Variants in LRRC4C observed in about 807,000 individuals in gnomAD.
The protein encoded by LRRC4C is leucine rich repeat containing 4C, also known as leucine-rich repeat-containing protein 4C.
In LRRC4C, 5 loss-of-function variants were observed where a neutral mutation model predicts 33.6. That is an observed-to-expected ratio of 0.15 (90% CI 0.08 to 0.31). The LOEUF is 0.31. Among genes scored for constraint, LRRC4C ranks in the 10% least tolerant of loss-of-function variants. The probability of loss-of-function intolerance (pLI) is 1.00; values close to 1 mark genes in which losing one functional copy is unlikely to be tolerated. For missense variants in LRRC4C, 560 were observed against 796.7 expected, an observed-to-expected ratio of 0.70 and a Z score of 3.58; for synonymous variants, 329 against 302.0, an observed-to-expected ratio of 1.09 and a Z score of -0.93.
intron 3 of LRRC4C, among the ~76,000 whole-genome samples, chr11:40,640,046 A>C (rs1471126200): frequency 6.6e-6 from 1 of 152,120 alleles, no homozygotes; most frequent in East Asian, 1.9e-4. Context: ...TCAGTTGGCT[A>C]CCTATCACTT....
At chr11:41,368,912 T>A (rs1952643331) in intron 1 of LRRC4C, among the ~76,000 whole-genome samples, 1 of 152,220 alleles carries the variant, frequency 6.6e-6, no homozygotes, top group African/African-American at 2.4e-5. Context: ...ATGGCTGACC[T>A]TTCACTTCTA....
At chr11:40,592,698 C>G (rs1470264184) in intron 3 of LRRC4C, among the ~76,000 whole-genome samples, 1 of 152,134 alleles carries the variant, frequency 6.6e-6, no homozygotes, top group Non-Finnish European at 1.5e-5. Context: ...TTTAGCCAGA[C>G]AATCTCTTTC....
intron 5 of LRRC4C, among the ~76,000 whole-genome samples, chr11:40,225,643 G>A (rs1864737450): frequency 7.0e-6 from 1 of 142,636 alleles, no homozygotes; most frequent in African/African-American, 2.6e-5. Context: ...TTGAGACAGA[G>A]TCTCGCTCTG....
At chr11:40,578,072 G>T (rs1339415460) in intron 3 of LRRC4C, among the ~76,000 whole-genome samples, 1 of 143,022 alleles carries the variant, frequency 7.0e-6, no homozygotes, top group African/African-American at 2.6e-5. Context: ...CTGACCTTGT[G>T]ATCCACCTGC....
chr11:40,472,113 T>TA (rs920381331), intron 3 of LRRC4C, among the ~76,000 whole-genome samples: 5 of 133,718 alleles, frequency 3.7e-5, no homozygotes, highest in African/African-American at 4.9e-5. Context: ...CTGTCTCTAC[T>TA]AAAAAAAATA....
chr11:40,750,581 A>T (rs565307485), intron 2 of LRRC4C, among the ~76,000 whole-genome samples: 70 of 146,392 alleles, frequency 4.8e-4, no homozygotes, highest in African/African-American at 1.7e-3. Context: ...GCATGTTCTC[A>T]CTCATAGGTG....
chr11:41,134,243 C>T (rs930103637), intron 1 of LRRC4C, among the ~76,000 whole-genome samples: 1 of 152,070 alleles, frequency 6.6e-6, no homozygotes, highest in Non-Finnish European at 1.5e-5. Context: ...ACTACAGGAG[C>T]ACACTACTAC....
At chr11:40,212,175 T>G (rs1405783791) in intron 5 of LRRC4C, among the ~76,000 whole-genome samples, 1 of 152,224 alleles carries the variant, frequency 6.6e-6, no homozygotes. Flanking sequence ...TTCCACTCAG[T>G]AGTAATTTTG....
chr11:40,664,260 G>A (rs1943598172), intron 2 of LRRC4C, among the ~76,000 whole-genome samples: 1 of 152,070 alleles, frequency 6.6e-6, no homozygotes, highest in South Asian at 2.1e-4. Flanking sequence ...AAAAGAGAAT[G>A]TGGGCTGGAC....
intron 1 of LRRC4C, among the ~76,000 whole-genome samples, chr11:41,077,826 GT>G (rs1468206122): frequency 6.6e-6 from 1 of 152,098 alleles, no homozygotes; most frequent in Non-Finnish European, 1.5e-5. Flanking sequence ...TTTTCCAAAC[GT>G]TTATGCTCTG....
intron 4 of LRRC4C, among the ~76,000 whole-genome samples, chr11:40,270,082 A>T (rs1942576981): frequency 1.3e-5 from 2 of 152,122 alleles, no homozygotes; most frequent in Non-Finnish European, 2.9e-5. Context: ...CCAAGCTGAT[A>T]GTTCATGCTT....
intron 1 of LRRC4C, among the ~76,000 whole-genome samples, chr11:41,416,246 C>A (rs1242290054): frequency 6.6e-6 from 1 of 152,016 alleles, no homozygotes; most frequent in African/African-American, 2.4e-5. Context: ...CTCACACTTC[C>A]CACCGTTTTA....
intron 2 of LRRC4C, among the ~76,000 whole-genome samples, chr11:40,862,067 G>A (rs907007083): frequency 1.3e-5 from 2 of 152,142 alleles, no homozygotes; most frequent in African/African-American, 4.8e-5. Context: ...CTGTACCTCT[G>A]ACAGGACATG....
chr11:40,565,779 A>G (rs1225558695), intron 3 of LRRC4C, among the ~76,000 whole-genome samples: 3 of 152,098 alleles, frequency 2.0e-5, no homozygotes, highest in Non-Finnish European at 4.4e-5. Context: ...GGAGCAAAAA[A>G]TGTCTCAAGT....
rs1399926921 is a variant in LRRC4C at position 40,646,308 on chromosome 11, A to G, written c.-270+1834T>C. Among the ~76,000 whole-genome samples the G allele has an allele frequency of 5.9e-5, 9 of 152,318 alleles. No homozygotes were observed. The South Asian group carries it at 6.2e-4, about 11-fold the overall frequency. On this transcript the variant is annotated intron_variant, in intron 3 of 6. Transcript: ENST00000528697. ...CAGAAATGAATAGACATTCAGGGAGAAGTAGAGTTGCAAAAAGTTTAAAGC... is the reference window on the plus strand; with the variant it reads ...CAGAAATGAATAGACATTCAGGGAGGAGTAGAGTTGCAAAAAGTTTAAAGC...
chr11:40,257,654 TAA>T (rs1867321899), intron 4 of LRRC4C, among the ~76,000 whole-genome samples: 1 of 152,202 alleles, frequency 6.6e-6, no homozygotes. Context: ...GACGGCTTAG[TAA>T]AGAGTTCTGA....
intron 3 of LRRC4C, among the ~76,000 whole-genome samples, chr11:40,385,550 T>C (rs1406601810): frequency 6.7e-6 from 1 of 148,738 alleles, no homozygotes; most frequent in African/African-American, 2.5e-5. Context: ...AGGGGGAGGG[T>C]GGGATGGAGG....
At chr11:40,928,482 T>C (rs941531624) in intron 2 of LRRC4C, among the ~76,000 whole-genome samples, 1 of 151,974 alleles carries the variant, frequency 6.6e-6, no homozygotes, top group Non-Finnish European at 1.5e-5. Flanking sequence ...TATTTTCAAA[T>C]GGCAACAATG....
At chr11:40,318,769 T>A (rs958479317) in intron 4 of LRRC4C, among the ~76,000 whole-genome samples, 2 of 152,198 alleles carry the variant, frequency 1.3e-5, no homozygotes, top group African/African-American at 4.8e-5. Context: ...AATTGAAAAC[T>A]ACTATCTGCA....
Sources: gnomAD v4.1 joint callset for allele counts (sites outside exome capture counted in the v4.1 genomes callset) on GRCh38, gnomAD v4.1.1 for gene constraint, MANE v1.5 for transcripts, NCBI Gene and HGNC (gene_info 2026-07-23, HGNC 2026-07-21) for gene names.